MMP26: variants seen among roughly 807,000 people sequenced by gnomAD.
MMP26 encodes the protein matrix metallopeptidase 26.
A neutral mutation model predicts 31.0 loss-of-function variants in MMP26; 33 were observed. That is an observed-to-expected ratio of 1.06 (90% CI 0.81 to 1.42). MMP26 has a LOEUF of 1.42. MMP26 is among the 40% of genes most tolerant of loss of function. The probability of loss-of-function intolerance (pLI) is 0.00; values close to 1 mark genes in which losing one functional copy is unlikely to be tolerated. For missense variants in MMP26, 347 were observed against 316.1 expected (o/e 1.10, Z -0.74); for synonymous variants, 122 against 114.9 (o/e 1.06, Z -0.40).
intron 1 of MMP26, among the ~76,000 whole-genome samples, chr11:4,750,530 C>CTTT (rs1848434900): frequency 6.6e-6 from 1 of 151,980 alleles, no homozygotes; most frequent in Non-Finnish European, 1.5e-5. Flanking sequence ...AAGTGTCCAA[C>CTTT]AGTGGATGAC....
intron 1 of MMP26, among the ~76,000 whole-genome samples, chr11:4,756,487 T>A (rs1213510188): frequency 1.3e-5 from 2 of 152,122 alleles, no homozygotes; most frequent in Non-Finnish European, 2.9e-5. Flanking sequence ...AATAAGTTTT[T>A]TTTTTAAATT....
chr11:4,873,392 A>G (rs1183831293), intron 2 of MMP26, among the ~76,000 whole-genome samples: 1 of 152,082 alleles, frequency 6.6e-6, no homozygotes, highest in African/African-American at 2.4e-5. Context: ...CTTTCACTAA[A>G]TCCTTTACAG....
At chr11:4,969,955 A>T (rs1187153707) in intron 2 of MMP26, among the ~76,000 whole-genome samples, 5 of 152,228 alleles carry the variant, frequency 3.3e-5, no homozygotes, top group Non-Finnish European at 1.5e-5. Flanking sequence ...ACTAATCTGC[A>T]TGCCAATTTG....
chr11:4,992,264 C>T lies in MMP26; in HGVS notation c.*22C>T, dbSNP rs1847020181. The T allele has an allele frequency of 6.2e-7, 1 of 1,603,124 alleles. No homozygotes were observed. Among genetic ancestry groups the T allele is most frequent in the African/African-American group, 1.3e-5 (1 of 74,406 alleles). ...TTAATGTTAGCACAGAGGACTTATT[C>T]AACCTGTCCTTTCAGGGAGTTTATT... On this transcript the variant is annotated 3_prime_UTR_variant, in exon 8 of 8. Transcript: ENST00000380390.
At chr11:4,915,825 G>T in intron 2 of MMP26, 1 of 522,586 alleles carries the variant, frequency 1.9e-6, no homozygotes, top group Non-Finnish European at 3.3e-6. Context: ...TCTGGTCCTT[G>T]ACTTCCTCTC....
chr11:4,869,278 G>T (rs557725294), intron 2 of MMP26, among the ~76,000 whole-genome samples: 1 of 152,128 alleles, frequency 6.6e-6, no homozygotes, highest in African/African-American at 2.4e-5. Flanking sequence ...GACTGAACAG[G>T]CAACCTACAG....
intron 2 of MMP26, chr11:4,907,365 T>A: frequency 6.3e-7 from 1 of 1,591,608 alleles, no homozygotes; most frequent in South Asian, 1.1e-5. Context: ...CATATCTCCC[T>A]CATTATGTCT....
chr11:4,925,627 G>T (rs1420919493), intron 2 of MMP26, among the ~76,000 whole-genome samples: 5 of 152,036 alleles, frequency 3.3e-5, no homozygotes, highest in South Asian at 4.1e-4. Context: ...AAGATGGGGG[G>T]TCAGTTCATA....
At chr11:4,987,820 G>A (rs533047456) in intron 2 of MMP26, among the ~76,000 whole-genome samples, 1 of 152,254 alleles carries the variant, frequency 6.6e-6, no homozygotes, top group South Asian at 2.1e-4. Context: ...TCTGGAGCAA[G>A]ATTGAATGTC....
rs745826513 is a variant in MMP26, at chr11:4,915,482, T to C, written c.-144-72586T>C. The C allele has an allele frequency of 5.0e-6, 8 of 1,613,970 alleles. No homozygotes were observed. In the South Asian group the frequency reaches 7.7e-5, roughly 16 times the overall value. On this transcript the variant is annotated intron_variant, in intron 2 of 7. Transcript: ENST00000380390. ...GGACAGGAAGAGATACATAGGTTCA[T>C]GAAGTGAGCGCTCTGTTTTAATGAT...
intron 1 of MMP26, among the ~76,000 whole-genome samples, chr11:4,728,224 T>C (rs1848128953): frequency 6.6e-6 from 1 of 152,242 alleles, no homozygotes; most frequent in Non-Finnish European, 1.5e-5. Flanking sequence ...AAATGGTTCC[T>C]TGTTAAACAT....
intron 2 of MMP26, among the ~76,000 whole-genome samples, chr11:4,904,402 C>T (rs1850851330): frequency 6.6e-6 from 1 of 152,118 alleles, no homozygotes; most frequent in Admixed American, 6.5e-5. Flanking sequence ...GACTGCCTTC[C>T]TTGAAACATT....
chr11:4,990,633 CA>C lies in MMP26; in HGVS notation c.357del (p.Val120Ter), dbSNP rs751672804. Reference sequence around the variant, plus strand: ...TACCCACATGATATGAAGCCATCCGCAGTGAAAGACAGTATATATAATGCAG... The same window carrying C: ...TACCCACATGATATGAAGCCATCCGCGTGAAAGACAGTATATATAATGCAG... ...INYPHDMKPS[A>X]VKDSIYNAVS... On this transcript the variant is annotated frameshift_variant, in exon 5 of 8. Coordinates refer to ENST00000380390, the MANE Select transcript of MMP26 (RefSeq NM_021801.5). LOFTEE classifies it high-confidence loss of function. 3.7e-6 allele frequency: 6 copies of C among 1,613,288 alleles called. No homozygotes were observed. In the African/African-American group the frequency reaches 8.0e-5, roughly 22 times the overall value.
At chr11:4,989,906 T>A (rs1846971299) in intron 4 of MMP26, 38 bp downstream of exon 4, 1 of 1,542,402 alleles carries the variant, frequency 6.5e-7, no homozygotes, top group African/African-American at 1.4e-5. Flanking sequence ...ATGTGTGGGG[T>A]GATGACCTCA....
chr11:4,860,558 T>C (rs1411542904), intron 2 of MMP26: 2 of 463,016 alleles, frequency 4.3e-6, no homozygotes, highest in Non-Finnish European at 9.0e-6. Flanking sequence ...GCATTCAAGT[T>C]CGTCATGTTG....
intron 2 of MMP26, among the ~76,000 whole-genome samples, chr11:4,899,056 A>G (rs771549591): frequency 6.6e-6 from 1 of 152,256 alleles, no homozygotes; most frequent in South Asian, 2.1e-4. Flanking sequence ...TGCATTAACC[A>G]GTAACTGAAT....
intron 2 of MMP26, among the ~76,000 whole-genome samples, chr11:4,921,435 G>A (rs10836948): frequency 0.19 from 29,542 of 152,284 alleles, 3,819 homozygotes; most frequent in South Asian, 0.3. Flanking sequence ...TGGCAGATCC[G>A]TGAGGGATTC....
chr11:4,947,500 A>G lies in MMP26; in HGVS notation c.-144-40568A>G, dbSNP rs1168660864. On this transcript the variant is annotated intron_variant, in intron 2 of 7. Coordinates refer to ENST00000380390, the MANE Select transcript of MMP26 (RefSeq NM_021801.5). ...TCTATGTGATTAATTGCCAGTAATA[A>G]TAGTCAAATGAAAGCTAAATAAATG... 1.4e-5 allele frequency: 2 copies of G among 143,612 alleles called. 1 individual carries two copies. The highest frequency in any genetic ancestry group is 3.0e-5 in the Non-Finnish European group (2 of 66,056). The allele number at this position is 143,612 out of a possible 1,614,324, so 8.9% of individuals were successfully genotyped here. A position where few individuals can be genotyped will look rare whatever the true frequency, so the allele number is the denominator to read the frequency against.
chr11:4,792,760 T>A (rs561447518), intron 2 of MMP26, among the ~76,000 whole-genome samples: 1 of 152,288 alleles, frequency 6.6e-6, no homozygotes, highest in East Asian at 1.9e-4. Flanking sequence ...ACAGTGATCC[T>A]TTAGCTGCCT....
Sources: gnomAD v4.1 joint callset for allele counts (sites outside exome capture counted in the v4.1 genomes callset) on GRCh38, gnomAD v4.1.1 for gene constraint, MANE v1.5 for transcripts, NCBI Gene and HGNC (gene_info 2026-07-23, HGNC 2026-07-21) for gene names.